DPH1: variants seen among roughly 807,000 people sequenced by gnomAD.
The protein encoded by DPH1 is 2-(3-amino-3-carboxypropyl)histidine synthase subunit 1.
DPH1 carries 59 observed loss-of-function variants against 55.3 expected under a neutral mutation model. The observed-to-expected ratio is 1.07, with a 90% CI of 0.87 to 1.33. DPH1 has a LOEUF of 1.33. DPH1 is among the 40% of genes most tolerant of loss of function. The pLI is 0.00. For synonymous variants in DPH1, 238 were observed against 235.5 expected, an observed-to-expected ratio of 1.01 and a Z score of -0.10; for missense variants, 628 against 584.8, an observed-to-expected ratio of 1.07 and a Z score of -0.76.
chr17:2,040,879 C>G, intron 9 of DPH1: 1 of 634,442 alleles, frequency 1.6e-6, no homozygotes, highest in Non-Finnish European at 2.8e-6. Flanking sequence ...TCTGGGGATA[C>G]TATCACCAGT....
In DPH1 at chr17:2,036,733, C is replaced by T; in HGVS notation, c.558+47C>T. 3 of 1,611,310 alleles carry T rather than the reference C, an allele frequency of 1.9e-6. No homozygotes were observed. Among genetic ancestry groups the T allele is most frequent in the Non-Finnish European group, 2.5e-6 (3 of 1,178,304 alleles). Reference sequence around the variant, plus strand: ...GGCCTCCTGCAGGGTGGACAGCGGCCACTCTCCAGCTGTTGCGGGATCCCC... The same window carrying T: ...GGCCTCCTGCAGGGTGGACAGCGGCTACTCTCCAGCTGTTGCGGGATCCCC... On this transcript the variant is annotated intron_variant, in intron 5 of 12. Transcript: ENST00000263083. The surrounding 1 kb of genome is among the most constrained non-coding windows in gnomAD (Gnocchi z 4.8).
rs1324608003 is a variant in DPH1 at position 2,042,811 on chromosome 17, C to T, written c.*225C>T. The T allele has an allele frequency of 2.5e-6, 4 of 1,613,892 alleles. No homozygotes were observed. The highest frequency in any genetic ancestry group is 2.7e-5 in the African/African-American group (2 of 74,920). ...TGCGCTAGCAGCCCTTGTGTGTGCC[C>T]TGGGCCAGGCAGGCGATCCCCGCTT... On this transcript the variant is annotated 3_prime_UTR_variant, in exon 13 of 13. Transcript: ENST00000263083.
intron 3 of DPH1, among the ~76,000 whole-genome samples, chr17:2,034,353 C>A (rs2067373726): frequency 1.3e-5 from 2 of 151,890 alleles, no homozygotes; most frequent in Admixed American, 6.6e-5. Context: ...AATGAGCCAT[C>A]CTTGGTGGGG....
intron 1 of DPH1, among the ~76,000 whole-genome samples, chr17:2,031,435 G>A (rs1440122846): frequency 1.3e-5 from 2 of 151,626 alleles, no homozygotes; most frequent in African/African-American, 2.4e-5. Flanking sequence ...GGTAGCACAC[G>A]CCTGTAATCC....
intron 1 of DPH1, among the ~76,000 whole-genome samples, chr17:2,030,592 G>T (rs943432873): frequency 2.0e-5 from 3 of 152,226 alleles, no homozygotes; most frequent in African/African-American, 7.2e-5. Context: ...AGAGGCAAAA[G>T]GTTTCATTCG....
chr17:2,040,944 A>G, intron 9 of DPH1, 159 bp from the exon 10 acceptor site: 1 of 752,306 alleles, frequency 1.3e-6, no homozygotes, highest in Non-Finnish European at 2.2e-6. Flanking sequence ...AACACGCAAC[A>G]ATACAGTATT....
intron 3 of DPH1, among the ~76,000 whole-genome samples, chr17:2,034,268 G>C (rs978000713): frequency 6.6e-6 from 1 of 152,044 alleles, no homozygotes; most frequent in African/African-American, 2.4e-5. Context: ...GGATGGGTTT[G>C]GAGTGGGAGG....
Position 2,041,104 on chromosome 17 carries a change from TGG to T in DPH1, c.1011_1012del (p.Trp337CysfsTer11). The T allele has an allele frequency of 6.3e-7, 1 of 1,598,350 alleles. No homozygotes were observed. The highest frequency in any genetic ancestry group is 8.5e-7 in the Non-Finnish European group (1 of 1,172,100). On this transcript the variant is annotated frameshift_variant and splice_region_variant, in exon 10 of 13. Coordinates refer to ENST00000263083, the MANE Select transcript of DPH1 (RefSeq NM_001383.6). LOFTEE classifies it high-confidence loss of function. The part of the protein sequence containing the change: ...KLSLLPEVDV[W>X]VQVACPRLSI... ...GTCTGACCTGGCTTCCCTTCCCAGG[TGG>T]GTGCAGGTGGCATGTCCACGTCTCT... is the stretch of plus-strand genomic sequence containing the variant.
chr17:2,036,260 G>A lies in DPH1; in HGVS notation c.400+169G>A. 1 of 1,322,202 alleles carries A rather than the reference G, an allele frequency of 7.6e-7. No homozygotes were observed. Among genetic ancestry groups the A allele is most frequent in the Non-Finnish European group, 1.0e-6 (1 of 992,624 alleles). 81.9% of individuals were successfully genotyped at this position (1,322,202 alleles called of 1,614,324 possible). A position where few individuals can be genotyped will look rare whatever the true frequency, so the allele number is the denominator to read the frequency against. On this transcript the variant is annotated intron_variant, in intron 4 of 12. Coordinates refer to ENST00000263083, the MANE Select transcript of DPH1 (RefSeq NM_001383.6). This position sits in a 1 kb window ranked among gnomAD's most constrained non-coding sequence, Gnocchi z 4.8. ...GCTCTGCAGGTAGATCTTTCCTTTG[G>A]ATTTGGTTGCCTTGGCAACGGTGCT... is the stretch of plus-strand genomic sequence containing the variant.
chr17:2,030,917 C>A (rs550831272), intron 1 of DPH1, among the ~76,000 whole-genome samples: 1 of 152,280 alleles, frequency 6.6e-6, no homozygotes, highest in South Asian at 2.1e-4. Flanking sequence ...ATCTCAGGGC[C>A]CCAGCCTCCG....
chr17:2,034,201 C>T lies in DPH1; in HGVS notation c.278+359C>T, dbSNP rs181018246. 9.3e-5 allele frequency among the ~76,000 whole-genome samples: 14 copies of T among 151,310 alleles called. No individual in the cohort carries two copies. In the East Asian group the frequency reaches 1.6e-3, roughly 17 times the overall value. ...GCTGAGTGATCAGTGGGAGGTCTGC[C>T]GGTCGGGGGCGGTGGGGGGCACCTG... is the stretch of plus-strand genomic sequence containing the variant. On this transcript the variant is annotated intron_variant, in intron 3 of 12. Coordinates refer to ENST00000263083, the MANE Select transcript of DPH1 (RefSeq NM_001383.6).
At position 2,042,770 on chromosome 17, in the gene DPH1, G is replaced by A. The variant is rs1296903159; in HGVS notation, c.*184G>A. 1 of 1,609,304 alleles carries A rather than the reference G, an allele frequency of 6.2e-7. No individual in the cohort carries two copies. Among genetic ancestry groups the A allele is most frequent in the African/African-American group, 1.3e-5 (1 of 74,572 alleles). On this transcript the variant is annotated 3_prime_UTR_variant, in exon 13 of 13. Coordinates refer to ENST00000263083, the MANE Select transcript of DPH1 (RefSeq NM_001383.6). ...CTGGGGCCTTTTGACGGCCTTCTTGGTTTCAGCCAAGGGGCTGCGCTAGCA... is the reference window on the plus strand; with the variant it reads ...CTGGGGCCTTTTGACGGCCTTCTTGATTTCAGCCAAGGGGCTGCGCTAGCA...
At chr17:2,031,150 G>A (rs1422603334) in intron 1 of DPH1, among the ~76,000 whole-genome samples, 1 of 152,228 alleles carries the variant, frequency 6.6e-6, no homozygotes, top group African/African-American at 2.4e-5. Flanking sequence ...GCAGGGCATA[G>A]TGGCTTACAC....
rs1380213484 is a variant in DPH1 at position 2,036,488 on chromosome 17, C to T, written c.401-41C>T. ...GAGCCTGGCCGGGCCCTCTGCTGCT[C>T]CTGCCTTCCCAAACAGCCCCTGAAC... On this transcript the variant is annotated intron_variant, in intron 4 of 12. Coordinates refer to ENST00000263083, the MANE Select transcript of DPH1 (RefSeq NM_001383.6). The surrounding 1 kb of genome is among the most constrained non-coding windows in gnomAD (Gnocchi z 4.8). 3.1e-6 allele frequency: 5 copies of T among 1,608,598 alleles called. No homozygotes were observed. In the South Asian group the frequency reaches 3.3e-5, roughly 11 times the overall value.
chr17:2,040,325 G>C lies in DPH1; in HGVS notation c.857G>C (p.Gly286Ala). The part of the protein sequence containing the change: ...IATARSAKSW[G>A]LILGTLGRQG... Reference sequence around the variant, plus strand: ...ACTGCCCGCTCAGCTAAGTCCTGGGGCCTTATTCTGGGCACTTTGGGCCGC... The same window carrying C: ...ACTGCCCGCTCAGCTAAGTCCTGGGCCCTTATTCTGGGCACTTTGGGCCGC... The change falls in exon 8 of 13, where the codon GGC (glycine) becomes GCC (alanine). Residue 286 changes from glycine to alanine, a missense_variant. By Grantham distance (60) the Gly-to-Ala change is moderately conservative. Transcript: ENST00000263083. The C allele has an allele frequency of 6.2e-7, 1 of 1,614,046 alleles. No individual in the cohort carries two copies. Among genetic ancestry groups the C allele is most frequent in the Non-Finnish European group, 8.5e-7 (1 of 1,180,046 alleles).
In DPH1 at chr17:2,040,610, G is replaced by A. The variant is rs1439085435; in HGVS notation, c.1007+5G>A. 6 of 1,613,682 alleles carry A rather than the reference G, an allele frequency of 3.7e-6. No individual in the cohort carries two copies. Among genetic ancestry groups the A allele is most frequent in the East Asian group, 2.2e-5 (1 of 44,896 alleles). ...CCTACTTCCTGAGGTGGATGTGTGA[G>A]TATCTGCCTGGCTATGACTGGCTAA... is the stretch of plus-strand genomic sequence containing the variant. On this transcript the variant is annotated splice_donor_5th_base_variant and intron_variant, in intron 9 of 12. Coordinates refer to ENST00000263083, the MANE Select transcript of DPH1 (RefSeq NM_001383.6).
rs754139123 is a variant in DPH1, at chr17:2,042,113, C to G, written c.*18+238C>G. On this transcript the variant is annotated intron_variant, in intron 12 of 12. Coordinates refer to ENST00000263083, the MANE Select transcript of DPH1 (RefSeq NM_001383.6). ...GCTTCCGGCAGAGCGAGCGGGGCTT[C>G]CGTGAGAAGACCGGGGCGCTGAGGA... is the stretch of plus-strand genomic sequence containing the variant. The G allele has an allele frequency of 7.0e-5, 109 of 1,567,476 alleles. No individual in the cohort carries two copies. The highest frequency in any genetic ancestry group is 9.3e-5 in the Non-Finnish European group (108 of 1,166,038).
intron 1 of DPH1, among the ~76,000 whole-genome samples, chr17:2,031,550 AGT>A (rs1192525518): frequency 8.6e-6 from 1 of 116,786 alleles, no homozygotes; most frequent in Non-Finnish European, 1.6e-5. Context: ...CAACAGACAG[AGT>A]GAGACTCTGT....
At position 2,042,739 on chromosome 17, in the gene DPH1, A is replaced by C. The variant is rs199716020; in HGVS notation, c.*153A>C. 1.9e-6 allele frequency: 3 copies of C among 1,593,438 alleles called. No individual in the cohort carries two copies. The highest frequency in any genetic ancestry group is 3.5e-5 in the Admixed American group (2 of 56,510). ...ACTGGGGATGGTGGCACAGGCACTG[A>C]ACAGGCTGGGGCCTTTTGACGGCCT... On this transcript the variant is annotated 3_prime_UTR_variant, in exon 13 of 13. Transcript: ENST00000263083.
Sources: allele counts gnomAD v4.1 joint callset (sites outside exome capture counted in the v4.1 genomes callset), GRCh38; gene constraint gnomAD v4.1.1; non-coding constraint Gnocchi (gnomAD v3.1); transcripts MANE v1.5; gene names NCBI Gene and HGNC (gene_info 2026-07-23, HGNC 2026-07-21).